Variants in RREB1 observed in about 807,000 individuals in gnomAD.
RREB1 encodes the protein ras-responsive element-binding protein 1.
RREB1 carries 27 observed loss-of-function variants against 117.8 expected under a neutral mutation model. The ratio of observed to expected loss-of-function variants is 0.23; its 90% CI spans 0.17 to 0.32. The LOEUF (loss-of-function observed/expected upper bound fraction) is 0.32, where lower values mean the gene tolerates loss of function less well. Ranked by LOEUF, RREB1 falls within the 10% of genes least tolerant of loss-of-function variation. The pLI is 1.00. For missense variants in RREB1, 2,577 were observed against 2,378.2 expected (o/e 1.08, Z -1.74); for synonymous variants, 1,298 against 1,026.7 (o/e 1.26, Z -5.05).
intron 8 of RREB1, among the ~76,000 whole-genome samples, chr6:7,219,275 TAATAAA>T (rs1767102452): frequency 6.6e-6 from 1 of 152,046 alleles, no homozygotes; most frequent in Admixed American, 6.5e-5. Context: ...GTTTCTAAAA[TAATAAA>T]AATAAAATAA....
Position 7,249,608 on chromosome 6 carries a change from G to A in RREB1, c.*640G>A, listed in dbSNP as rs543739789. The A allele has an allele frequency of 1.4e-4, 21 of 152,286 alleles. No individual in the cohort carries two copies. Among genetic ancestry groups the A allele is most frequent in the African/African-American group, 5.1e-4 (21 of 41,536 alleles). The allele number at this position is 152,286 out of a possible 1,614,324, so 9.4% of individuals were successfully genotyped here. ...AATATGGTTTCAGGCCAAAACCAGG[G>A]AAGATTCTAGCTTCAGCCTCATGTC... On this transcript the variant is annotated 3_prime_UTR_variant, in exon 13 of 13. Transcript: ENST00000379938.
At chr6:7,236,182 C>T (rs532351519) in intron 10 of RREB1, among the ~76,000 whole-genome samples, 1 of 152,246 alleles carries the variant, frequency 6.6e-6, no homozygotes, top group East Asian at 1.9e-4. Context: ...GAGAGGGTGC[C>T]AGGAAACACA....
intron 1 of RREB1, among the ~76,000 whole-genome samples, chr6:7,165,073 G>A (rs1763857302): frequency 6.6e-6 from 1 of 152,188 alleles, no homozygotes; most frequent in Admixed American, 6.5e-5. Context: ...CGGAAGCATT[G>A]GCCTCTCACA....
chr6:7,197,771 A>G (rs1335787579), intron 6 of RREB1, among the ~76,000 whole-genome samples: 1 of 152,206 alleles, frequency 6.6e-6, no homozygotes, highest in South Asian at 2.1e-4. Context: ...TCTGTTGCCA[A>G]GTATGGGAGA....
intron 8 of RREB1, chr6:7,214,702 CA>C (rs1766804628): frequency 6.6e-6 from 1 of 152,246 alleles, no homozygotes; most frequent in Admixed American, 6.5e-5. Flanking sequence ...AGCTCCATTT[CA>C]AATCCCAGAG....
At chr6:7,200,244 A>ATGTGTGTG (rs70978945) in intron 6 of RREB1, among the ~76,000 whole-genome samples, 7,692 of 129,312 alleles carry the variant, frequency 0.059, 330 homozygotes, top group Non-Finnish European at 0.083. Flanking sequence ...ATGTGTGTAT[A>ATGTGTGTG]TGTGTGTGTG....
chr6:7,118,276 A>G (rs1761502608), intron 1 of RREB1, among the ~76,000 whole-genome samples: 1 of 152,052 alleles, frequency 6.6e-6, no homozygotes. Context: ...GCATGCCACC[A>G]CACCTGGCTA....
chr6:7,125,658 A>C (rs1761873103), intron 1 of RREB1, among the ~76,000 whole-genome samples: 1 of 152,178 alleles, frequency 6.6e-6, no homozygotes, highest in South Asian at 2.1e-4. Flanking sequence ...TATTTTACAT[A>C]ATATGGAAAC....
At chr6:7,192,295 T>G (rs932848124) in intron 6 of RREB1, among the ~76,000 whole-genome samples, 3 of 151,832 alleles carry the variant, frequency 2.0e-5, no homozygotes, top group Non-Finnish European at 4.4e-5. Flanking sequence ...CGGTTTCAAG[T>G]GATTCTCCTG....
intron 1 of RREB1, among the ~76,000 whole-genome samples, chr6:7,149,987 C>T (rs1763042626): frequency 6.7e-6 from 1 of 149,358 alleles, no homozygotes; most frequent in Non-Finnish European, 1.5e-5. Flanking sequence ...CTGCGCCTGG[C>T]CTGGTTGGTT....
chr6:7,109,298 C>T (rs971277615), intron 1 of RREB1, among the ~76,000 whole-genome samples: 1 of 152,090 alleles, frequency 6.6e-6, no homozygotes, highest in Non-Finnish European at 1.5e-5. Flanking sequence ...CCGGGCCCCC[C>T]GCGCCCCCTC....
intron 7 of RREB1, 110 bp downstream of exon 7, chr6:7,211,058 C>T: frequency 9.1e-7 from 1 of 1,096,918 alleles, no homozygotes; most frequent in African/African-American, 1.6e-5. Flanking sequence ...ATCCTAAGCT[C>T]TTAACGTGTG....
rs926773555 is a variant in RREB1, at chr6:7,117,023, G to C, written c.-285+8963G>C. Among the ~76,000 whole-genome samples, 5 of 152,262 alleles carry C rather than the reference G, an allele frequency of 3.3e-5. No homozygotes were observed. The East Asian group carries it at 9.6e-4, about 29-fold the overall frequency. On this transcript the variant is annotated intron_variant, in intron 1 of 12. Coordinates refer to ENST00000379938, the MANE Select transcript of RREB1 (RefSeq NM_001003699.4). ...TATGAGTTAATAGGAGTGTTGGTCT[G>C]TGTATAATTTAGCTTCTCTTTTTTC... is the stretch of plus-strand genomic sequence containing the variant.
intron 1 of RREB1, among the ~76,000 whole-genome samples, chr6:7,118,734 T>A (rs2113303740): frequency 6.6e-6 from 1 of 152,132 alleles, no homozygotes; most frequent in Admixed American, 6.5e-5. Context: ...AGTATGAGAT[T>A]TAGCGTCCTT....
intron 1 of RREB1, among the ~76,000 whole-genome samples, chr6:7,163,378 G>C (rs2113469873): frequency 6.6e-6 from 1 of 152,040 alleles, no homozygotes; most frequent in Middle Eastern, 3.4e-3. Context: ...TTTGACTTCA[G>C]CGTTTTATTT....
chr6:7,226,708 A>G, intron 9 of RREB1, 52 bp downstream of exon 9: 1 of 1,382,246 alleles, frequency 7.2e-7, no homozygotes, highest in Non-Finnish European at 1.0e-6. Context: ...CATGGTCCAC[A>G]CAGTTAGACC....
At chr6:7,207,607 G>A (rs1021752091) in intron 6 of RREB1, among the ~76,000 whole-genome samples, 4 of 152,166 alleles carry the variant, frequency 2.6e-5, no homozygotes, top group Non-Finnish European at 5.9e-5. Context: ...CCAGCCATGT[G>A]CCCTGAGCTG....
intron 1 of RREB1, among the ~76,000 whole-genome samples, chr6:7,160,654 C>G (rs1476865498): frequency 6.6e-6 from 1 of 151,978 alleles, no homozygotes; most frequent in Non-Finnish European, 1.5e-5. Flanking sequence ...GGATTACAGG[C>G]GCACAACACC....
chr6:7,123,307 G>A (rs575021484), intron 1 of RREB1, among the ~76,000 whole-genome samples: 6 of 152,106 alleles, frequency 3.9e-5, no homozygotes, highest in East Asian at 3.9e-4. Context: ...CTGTACAGGC[G>A]CGTGCCGCCA....
Sources: allele counts gnomAD v4.1 joint callset (sites outside exome capture counted in the v4.1 genomes callset), GRCh38; gene constraint gnomAD v4.1.1; transcripts MANE v1.5; gene names NCBI Gene and HGNC (gene_info 2026-07-23, HGNC 2026-07-21).